Variants in UBE3B observed in about 807,000 individuals in gnomAD.
The protein encoded by UBE3B is ubiquitin-protein ligase E3B.
UBE3B carries 80 observed loss-of-function variants against 132.3 expected under a neutral mutation model. That is an observed-to-expected ratio of 0.60 (90% CI 0.50 to 0.73). UBE3B has a LOEUF of 0.73. Ranked by LOEUF, UBE3B falls within the 30% of genes least tolerant of loss-of-function variation. The pLI is 0.00. For synonymous variants in UBE3B, 487 were observed against 520.4 expected, an observed-to-expected ratio of 0.94 and a Z score of 0.87; for missense variants, 1,196 against 1,362.5, an observed-to-expected ratio of 0.88 and a Z score of 1.92.
intron 27 of UBE3B, chr12:109,533,785 C>T: frequency 2.3e-6 from 2 of 875,596 alleles, no homozygotes; most frequent in Non-Finnish European, 3.6e-6. Context: ...CTTTCTCTTT[C>T]CTTCCTCAGG....
intron 2 of UBE3B, 64 bp from the exon 3 acceptor site, chr12:109,483,467 C>T: frequency 6.8e-7 from 1 of 1,479,660 alleles, no homozygotes. Context: ...TGCTCTTGAG[C>T]CCCTTTCTGT....
intron 26 of UBE3B, among the ~76,000 whole-genome samples, chr12:109,531,012 T>G (rs1009100743): frequency 1.3e-5 from 2 of 152,190 alleles, no homozygotes; most frequent in African/African-American, 4.8e-5. Context: ...GCTTGGAACC[T>G]TACCTTAGGA....
In UBE3B at chr12:109,534,173, G is replaced by T. The variant is rs35245384; in HGVS notation, c.3016-418G>T. 3.2e-6 allele frequency: 4 copies of T among 1,245,440 alleles called. No homozygotes were observed. In the African/African-American group the frequency reaches 6.2e-5, roughly 19 times the overall value. 77.1% of individuals were successfully genotyped at this position (1,245,440 alleles called of 1,614,324 possible). Reference sequence around the variant, plus strand: ...TTGTACAGGAAGCTACACAGTCCTCGGCCTCCATGCTTAAGGGAAAGTTGG... The same window carrying T: ...TTGTACAGGAAGCTACACAGTCCTCTGCCTCCATGCTTAAGGGAAAGTTGG... On this transcript the variant is annotated intron_variant, in intron 27 of 27. Coordinates refer to ENST00000342494, the MANE Select transcript of UBE3B (RefSeq NM_130466.4). The surrounding 1 kb of genome is among the most constrained non-coding windows in gnomAD (Gnocchi z 5.2).
chr12:109,479,651 G>C (rs1380675292), intron 1 of UBE3B, among the ~76,000 whole-genome samples: 1 of 152,218 alleles, frequency 6.6e-6, no homozygotes, highest in Non-Finnish European at 1.5e-5. Flanking sequence ...AGTATACACT[G>C]TGCAGGTGGA....
downstream of UBE3B, among the ~76,000 whole-genome samples, chr12:109,538,412 G>A (rs1883531260): frequency 6.6e-6 from 1 of 152,232 alleles, no homozygotes; most frequent in Non-Finnish European, 1.5e-5. This position sits in a 1 kb window ranked among gnomAD's most constrained non-coding sequence, Gnocchi z 4.1. Context: ...TCGCAGAGAT[G>A]TGTGAGCAAA....
intron 9 of UBE3B, among the ~76,000 whole-genome samples, chr12:109,494,877 G>A (rs1877977408): frequency 6.6e-6 from 1 of 152,214 alleles, no homozygotes; most frequent in Non-Finnish European, 1.5e-5. Flanking sequence ...TATGGCCCAG[G>A]ATGGAATCCA....
intron 1 of UBE3B, among the ~76,000 whole-genome samples, chr12:109,479,613 TTG>T (rs577953919): frequency 8.9e-4 from 136 of 152,336 alleles, no homozygotes; most frequent in Middle Eastern, 3.4e-3. Context: ...AAACACTTGA[TTG>T]TGTGTTTTAT....
At chr12:109,515,316 C>G (rs4388956) in intron 18 of UBE3B, among the ~76,000 whole-genome samples, 2,017 of 152,128 alleles carry the variant, frequency 0.013, 43 homozygotes, top group African/African-American at 0.047. Context: ...ATACTAGCAC[C>G]CACTGGTATA....
chr12:109,536,810 G>C (rs1471356392), downstream of UBE3B: 13 of 152,244 alleles, frequency 8.5e-5, no homozygotes, highest in Non-Finnish European at 1.5e-4. Flanking sequence ...AAGATGTGGA[G>C]GGGCGCAGAG....
At chr12:109,524,596 A>C in intron 23 of UBE3B, 93 bp downstream of exon 23, 1 of 1,394,790 alleles carries the variant, frequency 7.2e-7, no homozygotes, top group Non-Finnish European at 1.0e-6. Context: ...AAGAGCCCCA[A>C]GCTGAGGCTC....
At chr12:109,525,791 A>G (rs1709820281) in intron 23 of UBE3B, among the ~76,000 whole-genome samples, 1 of 152,226 alleles carries the variant, frequency 6.6e-6, no homozygotes, top group South Asian at 2.1e-4. Flanking sequence ...TGAAAAGATA[A>G]TGAAACTTCT....
At chr12:109,516,954 C>T (rs1463693364) in intron 19 of UBE3B, 70 bp downstream of exon 19, 21 of 1,566,750 alleles carry the variant, frequency 1.3e-5, no homozygotes, top group African/African-American at 4.1e-5. Flanking sequence ...CTTTAGTGGA[C>T]GGTCTCTGGC....
chr12:109,541,780 T>C, the UBE3B span, among the ~76,000 whole-genome samples: 3 of 152,214 alleles, frequency 2.0e-5, no homozygotes, highest in Non-Finnish European at 2.9e-5. Context: ...CTGCCTCTTC[T>C]AGCTTCTGGT....
chr12:109,490,479 C>T (rs549216654), intron 8 of UBE3B: 2 of 1,535,662 alleles, frequency 1.3e-6, no homozygotes, highest in Non-Finnish European at 8.7e-7. Flanking sequence ...TTTGCCCTTC[C>T]TTCTCCCTAG....
intron 15 of UBE3B, chr12:109,508,322 C>T (rs1879937576): frequency 5.3e-6 from 1 of 188,966 alleles, no homozygotes; most frequent in Non-Finnish European, 9.8e-6. Context: ...AGTTTCTTAA[C>T]CTCTTTGAGT....
chr12:109,504,249 G>A (rs1879364487), intron 14 of UBE3B, among the ~76,000 whole-genome samples: 1 of 152,212 alleles, frequency 6.6e-6, no homozygotes, highest in Non-Finnish European at 1.5e-5. Context: ...ACTCATAGAT[G>A]CCAGTAGCAC....
chr12:109,539,793 G>T (rs1405707307), downstream of UBE3B, among the ~76,000 whole-genome samples: 2 of 152,174 alleles, frequency 1.3e-5, no homozygotes, highest in African/African-American at 4.8e-5. Context: ...AGCCCCTGGT[G>T]TGCAGGCTCC....
At chr12:109,529,023 T>C (rs1197996219) in intron 24 of UBE3B, among the ~76,000 whole-genome samples, 4 of 151,640 alleles carry the variant, frequency 2.6e-5, no homozygotes, top group Admixed American at 2.6e-4. Flanking sequence ...TAACTGGGTG[T>C]GGTGGTGCAT....
At chr12:109,485,005 C>T (rs1370315771) in intron 4 of UBE3B, among the ~76,000 whole-genome samples, 1 of 152,106 alleles carries the variant, frequency 6.6e-6, no homozygotes, top group Non-Finnish European at 1.5e-5. Context: ...GATCCACCTG[C>T]CTCAGCATCC....
Sources: allele counts gnomAD v4.1 joint callset (sites outside exome capture counted in the v4.1 genomes callset), GRCh38; gene constraint gnomAD v4.1.1; non-coding constraint Gnocchi (gnomAD v3.1); transcripts MANE v1.5; gene names NCBI Gene and HGNC (gene_info 2026-07-23, HGNC 2026-07-21).